The following EPB41L2 variants were observed in gnomAD, a reference collection of about 807,000 sequenced individuals.
EPB41L2 encodes the protein band 4.1-like protein 2.
In EPB41L2, 43 loss-of-function variants were observed where a neutral mutation model predicts 113.0. The observed-to-expected ratio is 0.38, with a 90% CI of 0.30 to 0.49. EPB41L2 has a LOEUF of 0.49. EPB41L2 is among the 20% of genes least tolerant of loss of function. The pLI is 0.95. For synonymous variants in EPB41L2, 442 were observed against 436.7 expected (o/e 1.01, Z -0.15); for missense variants, 1,147 against 1,223.4 (o/e 0.94, Z 0.93).
chr6:130,859,494 G>A (rs11754472), intron 18 of EPB41L2, among the ~76,000 whole-genome samples: 1 of 148,184 alleles, frequency 6.7e-6, no homozygotes, highest in Non-Finnish European at 1.5e-5. Flanking sequence ...CTGGGCAACA[G>A]AGTGAGACTT....
chr6:130,967,265 G>A (rs1233623525), intron 1 of EPB41L2, among the ~76,000 whole-genome samples: 1 of 149,942 alleles, frequency 6.7e-6, no homozygotes, highest in Admixed American at 6.6e-5. Flanking sequence ...TGCAGATACA[G>A]AAGTTGCCTA....
chr6:130,864,221 C>T (rs1783007924), intron 17 of EPB41L2, among the ~76,000 whole-genome samples: 1 of 152,122 alleles, frequency 6.6e-6, no homozygotes. Context: ...TTTTTCCCAT[C>T]ACAGAAGACT....
chr6:130,917,207 C>G (rs985129617), intron 4 of EPB41L2, among the ~76,000 whole-genome samples: 1 of 152,164 alleles, frequency 6.6e-6, no homozygotes, highest in African/African-American at 2.4e-5. Flanking sequence ...CATGCTTGAC[C>G]TGGATAACAA....
At chr6:131,058,245 A>G (rs1230784002) in intron 1 of EPB41L2, among the ~76,000 whole-genome samples, 1 of 152,236 alleles carries the variant, frequency 6.6e-6, no homozygotes, top group Non-Finnish European at 1.5e-5. Context: ...CTCATAGATC[A>G]CATGAAATCT....
At chr6:130,906,368 A>G (rs1240273401) in intron 5 of EPB41L2, among the ~76,000 whole-genome samples, 1 of 152,144 alleles carries the variant, frequency 6.6e-6, no homozygotes, top group Non-Finnish European at 1.5e-5. Flanking sequence ...ACAAAATATG[A>G]TATTTTAAAA....
At chr6:131,049,390 T>C (rs1365255766) in intron 1 of EPB41L2, among the ~76,000 whole-genome samples, 2 of 152,232 alleles carry the variant, frequency 1.3e-5, no homozygotes, top group Non-Finnish European at 2.9e-5. Context: ...CATTCTGACC[T>C]TTCCCATACA....
At chr6:130,971,273 G>A (rs1211791910) in intron 1 of EPB41L2, among the ~76,000 whole-genome samples, 3 of 152,170 alleles carry the variant, frequency 2.0e-5, no homozygotes, top group African/African-American at 7.2e-5. Flanking sequence ...AGCCAAACTA[G>A]CACAAATTTA....
chr6:130,988,335 G>GT (rs1562670941), intron 1 of EPB41L2, among the ~76,000 whole-genome samples: 1 of 152,162 alleles, frequency 6.6e-6, no homozygotes, highest in Non-Finnish European at 1.5e-5. Context: ...TTGAAGTGAT[G>GT]TAACACCTAA....
At chr6:130,852,645 G>A (rs554620049) in intron 19 of EPB41L2, among the ~76,000 whole-genome samples, 35 of 152,226 alleles carry the variant, frequency 2.3e-4, no homozygotes, top group African/African-American at 7.0e-4. Context: ...CATGCTGACC[G>A]TCAACAAGTC....
At chr6:130,927,397 A>G (rs1805126333) in intron 3 of EPB41L2, among the ~76,000 whole-genome samples, 1 of 152,186 alleles carries the variant, frequency 6.6e-6, no homozygotes, top group South Asian at 2.1e-4. Context: ...TGACAGCCAT[A>G]GAAGAAAAGC....
intron 1 of EPB41L2, among the ~76,000 whole-genome samples, chr6:130,986,689 G>A (rs1405674119): frequency 1.3e-5 from 2 of 151,990 alleles, no homozygotes; most frequent in East Asian, 1.9e-4. Flanking sequence ...AGGTTCAAGC[G>A]ATTCTCCTGC....
At chr6:130,889,450 T>C (rs991447955) in intron 11 of EPB41L2, among the ~76,000 whole-genome samples, 5 of 152,046 alleles carry the variant, frequency 3.3e-5, no homozygotes, top group Admixed American at 2.0e-4. Context: ...AGAATTCTAA[T>C]AGAAAAAAAT....
chr6:130,850,706 C>T (rs1244905753), intron 19 of EPB41L2, among the ~76,000 whole-genome samples: 2 of 152,022 alleles, frequency 1.3e-5, no homozygotes, highest in Non-Finnish European at 2.9e-5. Flanking sequence ...TCTTTTATTA[C>T]CAGAAAAAAA....
At chr6:130,903,612 G>C (rs1470647190) in intron 6 of EPB41L2, among the ~76,000 whole-genome samples, 1 of 151,940 alleles carries the variant, frequency 6.6e-6, no homozygotes. Flanking sequence ...GTCATGCACT[G>C]CACACAGTTG....
intron 4 of EPB41L2, among the ~76,000 whole-genome samples, chr6:130,912,189 T>C (rs1373093425): frequency 1.3e-5 from 2 of 152,006 alleles, no homozygotes; most frequent in African/African-American, 2.4e-5. Context: ...TGTGGAAAAA[T>C]TGTCTTCCAC....
chr6:130,878,351 T>A lies in EPB41L2; in HGVS notation c.1897-101A>T, dbSNP rs180709009. On this transcript the variant is annotated intron_variant, in intron 13 of 19. Coordinates refer to ENST00000337057, the MANE Select transcript of EPB41L2 (RefSeq NM_001431.4). Reference sequence around the variant, plus strand: ...AAATAAGACAAAGCAAACTTACGATTAAAAAAAAAACCATAGTAAAGCAAG... The same window carrying A: ...AAATAAGACAAAGCAAACTTACGATAAAAAAAAAAACCATAGTAAAGCAAG... 59 of 1,196,964 alleles carry A rather than the reference T, an allele frequency of 4.9e-5. No individual in the cohort carries two copies. The African/African-American group carries it at 6.8e-4, about 14-fold the overall frequency. 74.1% of individuals were successfully genotyped at this position (1,196,964 alleles called of 1,614,324 possible).
chr6:130,943,583 G>C (rs1811648078), intron 3 of EPB41L2, among the ~76,000 whole-genome samples: 1 of 152,204 alleles, frequency 6.6e-6, no homozygotes. Context: ...AGTATGTCAG[G>C]ATGGCTGCTC....
intron 4 of EPB41L2, among the ~76,000 whole-genome samples, chr6:130,912,312 A>G (rs1799662024): frequency 6.6e-6 from 1 of 152,238 alleles, no homozygotes; most frequent in African/African-American, 2.4e-5. Context: ...TTATTAGTAC[A>G]CAGAAAATAA....
intron 1 of EPB41L2, chr6:130,978,683 T>C (rs934575515): frequency 6.6e-6 from 1 of 152,232 alleles, no homozygotes; most frequent in Non-Finnish European, 1.5e-5. Flanking sequence ...CCATGAGGAA[T>C]TGCTTTGTGC....
Sources: gnomAD v4.1 joint callset for allele counts (sites outside exome capture counted in the v4.1 genomes callset) on GRCh38, gnomAD v4.1.1 for gene constraint, MANE v1.5 for transcripts, NCBI Gene and HGNC (gene_info 2026-07-23, HGNC 2026-07-21) for gene names.